ACTN2: variants seen among roughly 807,000 people sequenced by gnomAD.
ACTN2 encodes alpha-actinin-2.
ACTN2 carries 39 observed loss-of-function variants against 113.8 expected under a neutral mutation model. The observed-to-expected ratio is 0.34, with a 90% confidence interval of 0.27 to 0.45. The LOEUF (loss-of-function observed/expected upper bound fraction) is 0.45, where lower values mean the gene tolerates loss of function less well. ACTN2 is among the 20% of genes least tolerant of loss of function. The pLI is 1.00. For missense variants in ACTN2, 992 were observed against 1,177.9 expected, an observed-to-expected ratio of 0.84 and a Z score of 2.31; for synonymous variants, 429 against 444.1, an observed-to-expected ratio of 0.97 and a Z score of 0.43.
chr1:236,713,437 G>A (rs563368206), intron 1 of ACTN2, among the ~76,000 whole-genome samples: 12 of 152,248 alleles, frequency 7.9e-5, no homozygotes, highest in African/African-American at 2.2e-4. Context: ...GTGTTGGTCA[G>A]GCTGGTCTTG....
At chr1:236,700,455 G>C (rs573534956) in intron 1 of ACTN2, among the ~76,000 whole-genome samples, 2 of 152,176 alleles carry the variant, frequency 1.3e-5, no homozygotes, top group African/African-American at 4.8e-5. Flanking sequence ...GTATATGTGG[G>C]TGGCTTACCA....
At chr1:236,761,890 AAAT>A (rs1319928948) in intron 20 of ACTN2, among the ~76,000 whole-genome samples, 2 of 152,214 alleles carry the variant, frequency 1.3e-5, no homozygotes. Context: ...ACTATTTTTA[AAAT>A]AATGTTTTCT....
intron 5 of ACTN2, among the ~76,000 whole-genome samples, chr1:236,726,976 C>T (rs146363121): frequency 9.2e-5 from 14 of 152,292 alleles, no homozygotes; most frequent in African/African-American, 2.9e-4. Context: ...ATAACTCTCA[C>T]GGAGGTCTCC....
chr1:236,692,821 T>C (rs979774254), intron 1 of ACTN2, among the ~76,000 whole-genome samples: 1 of 151,994 alleles, frequency 6.6e-6, no homozygotes, highest in Admixed American at 6.6e-5. Flanking sequence ...GGAATATAAC[T>C]CTTAGCAGGG....
chr1:236,762,412 T>C (rs1414442870), intron 20 of ACTN2, 49 bp from the exon 21 acceptor site: 1 of 1,608,764 alleles, frequency 6.2e-7, no homozygotes, highest in South Asian at 1.1e-5. Context: ...ACTGTTTATG[T>C]TGTGGTGTTT....
In ACTN2 at chr1:236,727,759, T is replaced by C; in HGVS notation, c.615+3T>C. 6.2e-7 allele frequency: 1 copy of C among 1,614,040 alleles called. No homozygotes were observed. The highest frequency in any genetic ancestry group is 8.5e-7 in the Non-Finnish European group (1 of 1,179,980). Reference sequence around the variant, plus strand: ...TTGACTACTCAAAGCTTAACAAGGTTATTCTGGGTGGCCTGGCATGCAGTG... The same window carrying C: ...TTGACTACTCAAAGCTTAACAAGGTCATTCTGGGTGGCCTGGCATGCAGTG... On this transcript the variant is annotated splice_donor_region_variant and intron_variant, in intron 6 of 20. Coordinates refer to ENST00000366578, the MANE Select transcript of ACTN2 (RefSeq NM_001103.4).
chr1:236,741,645 G>C (rs1659070199), intron 10 of ACTN2, among the ~76,000 whole-genome samples: 2 of 152,106 alleles, frequency 1.3e-5, no homozygotes, highest in Non-Finnish European at 2.9e-5. Flanking sequence ...GTAAGTAAAT[G>C]CTCTTAATCC....
intron 1 of ACTN2, among the ~76,000 whole-genome samples, chr1:236,709,753 A>T (rs1657970749): frequency 6.6e-6 from 1 of 152,212 alleles, no homozygotes; most frequent in African/African-American, 2.4e-5. Context: ...CATGTTCTTC[A>T]GGCCTGCTCA....
At chr1:236,735,879 C>CT (rs1298977059) in intron 8 of ACTN2, among the ~76,000 whole-genome samples, 159 bp downstream of exon 8, 3 of 152,014 alleles carry the variant, frequency 2.0e-5, no homozygotes, top group Admixed American at 6.6e-5. Flanking sequence ...ACTGTGAAAA[C>CT]TTTTTTTTAA....
intron 1 of ACTN2, among the ~76,000 whole-genome samples, chr1:236,709,336 A>G (rs1296780454): frequency 7.3e-6 from 1 of 136,148 alleles, no homozygotes. Context: ...ACATGTATAT[A>G]TATACGTGTA....
intron 5 of ACTN2, among the ~76,000 whole-genome samples, 159 bp downstream of exon 5, chr1:236,726,179 C>T (rs1658544638): frequency 6.6e-6 from 1 of 152,126 alleles, no homozygotes; most frequent in Admixed American, 6.5e-5. Context: ...TAAAGTCTCC[C>T]AGAGGAAAAC....
At position 236,713,044 on chromosome 1, in the gene ACTN2, G is replaced by C. The variant is rs61546462; in HGVS notation, c.127-4814G>C. Among the ~76,000 whole-genome samples the C allele has an allele frequency of 6.9e-3, 1,044 of 151,412 alleles. 11 individuals carry two copies. The highest frequency in any genetic ancestry group is 0.023 in the African/African-American group (949 of 41,330). The stretch of plus-strand genomic sequence containing the variant: ...AAGTAATTTTACTTGCTGAAGATGG[G>C]GCCTGGGGTGTATTTTACTGTAATA... On this transcript the variant is annotated intron_variant, in intron 1 of 20. Coordinates refer to ENST00000366578, the MANE Select transcript of ACTN2 (RefSeq NM_001103.4).
intron 1 of ACTN2, among the ~76,000 whole-genome samples, chr1:236,709,239 T>TATATAC: frequency 1.2e-5 from 1 of 85,114 alleles, no homozygotes; most frequent in Non-Finnish European, 2.7e-5. Context: ...TATATATATA[T>TATATAC]ATATATATAT....
chr1:236,694,596 T>A (rs1036791140), intron 1 of ACTN2, among the ~76,000 whole-genome samples: 1 of 152,188 alleles, frequency 6.6e-6, no homozygotes, highest in Non-Finnish European at 1.5e-5. Flanking sequence ...CTTTTTAAAT[T>A]AAAAAAACTT....
intron 1 of ACTN2, among the ~76,000 whole-genome samples, chr1:236,688,739 C>A (rs1010720079): frequency 1.3e-5 from 2 of 152,080 alleles, no homozygotes; most frequent in African/African-American, 4.8e-5. Context: ...TTGGTATAGA[C>A]CCTGCTCAAG....
Position 236,737,012 on chromosome 1 carries a change from G to T in ACTN2, c.784-110G>T, listed in dbSNP as rs967976028. The T allele has an allele frequency of 3.5e-6, 3 of 847,788 alleles. No homozygotes were observed. In the East Asian group the frequency reaches 8.2e-5, roughly 23 times the overall value. 52.5% of individuals were successfully genotyped at this position (847,788 alleles called of 1,614,324 possible). On this transcript the variant is annotated intron_variant, in intron 8 of 20. Coordinates refer to ENST00000366578, the MANE Select transcript of ACTN2 (RefSeq NM_001103.4). Reference sequence around the variant, plus strand: ...CGCACCCTAAGCTAGACTCTGCACCGTCTACAGCACGCCACCCTCCTCGTC... The same window carrying T: ...CGCACCCTAAGCTAGACTCTGCACCTTCTACAGCACGCCACCCTCCTCGTC...
chr1:236,695,548 T>C (rs1657464929), intron 1 of ACTN2, among the ~76,000 whole-genome samples: 2 of 140,986 alleles, frequency 1.4e-5, no homozygotes, highest in Non-Finnish European at 3.1e-5. Flanking sequence ...AACCTGAATT[T>C]GATTTGAAAT....
chr1:236,759,843 T>G (rs1659654564), intron 19 of ACTN2, 54 bp downstream of exon 19: 1 of 1,551,066 alleles, frequency 6.4e-7, no homozygotes, highest in Non-Finnish European at 8.9e-7. Context: ...GAATTTGGAT[T>G]TCTGTTATAA....
At chr1:236,716,052 C>G (rs1000551030) in intron 1 of ACTN2, among the ~76,000 whole-genome samples, 1 of 149,856 alleles carries the variant, frequency 6.7e-6, no homozygotes, top group East Asian at 1.9e-4. Context: ...AGTTTAGGCT[C>G]TCAGGGTAAA....
Sources: gnomAD v4.1 joint callset for allele counts (sites outside exome capture counted in the v4.1 genomes callset) on GRCh38, gnomAD v4.1.1 for gene constraint, MANE v1.5 for transcripts, NCBI Gene and HGNC (gene_info 2026-07-23, HGNC 2026-07-21) for gene names.